Variants in NHSL2 observed in about 807,000 individuals in gnomAD.
The protein encoded by NHSL2 is NHS-like protein 2.
Under a neutral mutation model 53.4 loss-of-function variants are expected in NHSL2, and 27 were observed. The ratio of observed to expected loss-of-function variants is 0.51; its 90% confidence interval spans 0.37 to 0.70. The LOEUF is 0.70. Among genes scored for constraint, NHSL2 ranks in the 30% least tolerant of loss-of-function variants. The pLI is 0.00. For synonymous variants in NHSL2, 408 were observed against 404.1 expected, an observed-to-expected ratio of 1.01 and a Z score of -0.12; for missense variants, 892 against 980.1, an observed-to-expected ratio of 0.91 and a Z score of 1.20.
At chrX:72,081,829 C>T (rs2041795139) in intron 1 of NHSL2, among the ~76,000 whole-genome samples, 1 of 112,591 alleles carries the variant, frequency 8.9e-6, no homozygotes, top group Non-Finnish European at 1.9e-5. Flanking sequence ...CTGGAAAGGG[C>T]TATATTTAAC....
intron 1 of NHSL2, among the ~76,000 whole-genome samples, chrX:71,955,636 CA>C (rs2041839596): frequency 9.1e-6 from 1 of 109,789 alleles, no homozygotes; most frequent in African/African-American, 3.3e-5. Flanking sequence ...ACTGGGGAGG[CA>C]AAAAACAAAG....
intron 1 of NHSL2, among the ~76,000 whole-genome samples, chrX:72,104,028 G>C (rs1483079857): frequency 8.9e-6 from 1 of 112,933 alleles, no homozygotes; most frequent in East Asian, 2.8e-4. Context: ...TTACTTAAAT[G>C]AGAAAAAAAT....
intron 1 of NHSL2, among the ~76,000 whole-genome samples, chrX:72,012,873 T>C (rs1411626493): frequency 8.9e-6 from 1 of 112,417 alleles, no homozygotes; most frequent in Non-Finnish European, 1.9e-5. Flanking sequence ...TTCTAGGTTC[T>C]CTACTCTGTT....
At position 72,139,070 on chromosome X, in the gene NHSL2, A is replaced by G. The variant is rs2042386411; in HGVS notation, c.1522A>G (p.Thr508Ala). 1 of 1,168,822 alleles carries G rather than the reference A, an allele frequency of 8.6e-7. No individual in the cohort carries two copies. Among genetic ancestry groups the G allele is most frequent in the Admixed American group, 2.6e-5 (1 of 38,945 alleles). The change falls in exon 6 of 8, where the codon ACA (threonine) becomes GCA (alanine). Residue 508 changes from threonine (T) to alanine (A), a missense_variant. By Grantham distance (58) the Thr-to-Ala change is moderately conservative. Coordinates refer to ENST00000633930, the MANE Select transcript of NHSL2 (RefSeq NM_001013627.3). ...GTCTGTGCCCACAGACTCAGGCACCACAGATGTGGACTATGATGAGGAGCA... is the reference window on the plus strand; with the variant it reads ...GTCTGTGCCCACAGACTCAGGCACCGCAGATGTGGACTATGATGAGGAGCA... ...SLSVPTDSGT[T>A]DVDYDEEQKA...
At chrX:72,058,111 A>G (rs911713537) in intron 1 of NHSL2, among the ~76,000 whole-genome samples, 1 of 111,925 alleles carries the variant, frequency 8.9e-6, no homozygotes, top group African/African-American at 3.3e-5. Flanking sequence ...TTTTTCCTGG[A>G]ACGTCATTTT....
intron 1 of NHSL2, among the ~76,000 whole-genome samples, chrX:71,985,029 T>C (rs2041997336): frequency 9.0e-6 from 1 of 111,104 alleles, no homozygotes; most frequent in Non-Finnish European, 1.9e-5. Flanking sequence ...TTCACTGTGT[T>C]AGCCAGGATG....
chrX:72,070,204 C>T (rs1278468147), intron 1 of NHSL2, among the ~76,000 whole-genome samples: 1 of 107,443 alleles, frequency 9.3e-6, no homozygotes, highest in African/African-American at 3.4e-5. Context: ...ACACCTACAC[C>T]TCTCCTGGCT....
intron 1 of NHSL2, among the ~76,000 whole-genome samples, chrX:71,986,960 C>G (rs994672874): frequency 8.9e-6 from 1 of 112,127 alleles, no homozygotes; most frequent in Non-Finnish European, 1.9e-5. Context: ...ACCCTTTAAT[C>G]TAGGCAAGAA....
intron 1 of NHSL2, among the ~76,000 whole-genome samples, chrX:71,986,178 A>G (rs1003591135): frequency 8.9e-6 from 1 of 111,965 alleles, no homozygotes; most frequent in South Asian, 3.7e-4. Context: ...TTTTATACCA[A>G]ATAAGCCAAA....
intron 1 of NHSL2, among the ~76,000 whole-genome samples, chrX:71,988,061 C>T (rs774377928): frequency 2.7e-5 from 3 of 111,849 alleles, no homozygotes; most frequent in Non-Finnish European, 5.6e-5. Flanking sequence ...TAGTCTCTGG[C>T]GAGACAGTCG....
chrX:72,052,271 G>T (rs993427268), intron 1 of NHSL2, among the ~76,000 whole-genome samples: 1 of 112,245 alleles, frequency 8.9e-6, no homozygotes, highest in African/African-American at 3.2e-5. Flanking sequence ...GCCCTCCTCA[G>T]TCCTCCGAGG....
chrX:72,130,710 G>T, intron 1 of NHSL2: 1 of 1,212,029 alleles, frequency 8.3e-7, no homozygotes. Context: ...ACAGGCCTTT[G>T]AGGAATTGGT....
At chrX:72,059,091 C>T (rs1307102033) in intron 1 of NHSL2, among the ~76,000 whole-genome samples, 1 of 111,452 alleles carries the variant, frequency 9.0e-6, no homozygotes, top group African/African-American at 3.3e-5. Flanking sequence ...TCTAGACACA[C>T]AAACTGTGTC....
chrX:71,996,691 T>TCCCATGCAGGACCTCTTCC (rs1250575729), intron 1 of NHSL2, among the ~76,000 whole-genome samples: 1 of 112,231 alleles, frequency 8.9e-6, no homozygotes, highest in East Asian at 2.8e-4. Flanking sequence ...CTGCCCAAGG[T>TCCCATGCAGGACCTCTTCC]CCCATGCAGG....
Position 72,143,355 on chromosome X carries a change from C to G in NHSL2, c.3459C>G (p.Ile1153Met), listed in dbSNP as rs1478075870. Reference protein sequence around the residue: ...SPIKNTAESPISESTATAGSG... With the variant: ...SPIKNTAESPMSESTATAGSG... ...TAAAGAACACAGCTGAGTCTCCAAT[C>G]AGTGAGTCTACCGCCACTGCAGGGT... The change falls in exon 8 of 8, where the codon ATC (isoleucine) becomes ATG (methionine). Residue 1153 changes from isoleucine to methionine, a missense_variant. By Grantham distance (10) the Ile-to-Met change is conservative. Transcript: ENST00000633930. 1 of 1,164,418 alleles carries G rather than the reference C, an allele frequency of 8.6e-7. No homozygotes were observed. The highest frequency in any genetic ancestry group is 1.8e-5 in the African/African-American group (1 of 55,513).
At chrX:72,102,537 G>A (rs903844715) in intron 1 of NHSL2, among the ~76,000 whole-genome samples, 3 of 112,424 alleles carry the variant, frequency 2.7e-5, no homozygotes, top group African/African-American at 9.7e-5. Context: ...AGGAATAAAT[G>A]AGAAAATGTG....
intron 1 of NHSL2, among the ~76,000 whole-genome samples, chrX:71,961,688 CAG>C (rs1396759466): frequency 9.0e-6 from 1 of 111,212 alleles, no homozygotes; most frequent in East Asian, 2.8e-4. Context: ...GTTTTTGAGA[CAG>C]AGGCTCACTA....
intron 1 of NHSL2, among the ~76,000 whole-genome samples, chrX:72,026,224 G>A (rs2042185033): frequency 8.9e-6 from 1 of 111,936 alleles, no homozygotes; most frequent in Non-Finnish European, 1.9e-5. Context: ...TATCACCTGG[G>A]GAGCTTTTGA....
rs1372056580 is a variant in NHSL2, at chrX:71,948,846, G to GT, written c.280+37483dup. On this transcript the variant is annotated intron_variant, in intron 1 of 7. Coordinates refer to ENST00000633930, the MANE Select transcript of NHSL2 (RefSeq NM_001013627.3). ...CTCTGTCAAAAAAAAAAAAAATGTA[G>GT]TTTTGTTTTTTTTTTTTTGAGACAA... is the stretch of plus-strand genomic sequence containing the variant. Among the ~76,000 whole-genome samples, 166 of 34,005 alleles carry GT rather than the reference G, an allele frequency of 4.9e-3. No individual in the cohort carries two copies. The East Asian group carries it at 0.065, about 13-fold the overall frequency. 29.5% of individuals were successfully genotyped at this position (34,005 alleles called of 115,157 possible). A position where few individuals can be genotyped will look rare whatever the true frequency, so the allele number is the denominator to read the frequency against.
Sources: allele counts gnomAD v4.1 joint callset (sites outside exome capture counted in the v4.1 genomes callset), GRCh38; gene constraint gnomAD v4.1.1; transcripts MANE v1.5; gene names NCBI Gene and HGNC (gene_info 2026-07-23, HGNC 2026-07-21).